The following UBR1 variants were observed in gnomAD, a reference collection of about 807,000 sequenced individuals.
The protein encoded by UBR1 is ubiquitin protein ligase E3 component n-recognin 1.
A neutral mutation model predicts 242.1 loss-of-function variants in UBR1; 102 were observed. That is an observed-to-expected ratio of 0.42 (90% CI 0.36 to 0.50). The LOEUF (loss-of-function observed/expected upper bound fraction) is 0.50. Among genes scored for constraint, UBR1 ranks in the 20% least tolerant of loss-of-function variants. The pLI, the probability that UBR1 is intolerant of heterozygous loss-of-function variation, is 0.01. For missense variants in UBR1, 1,772 were observed against 2,101.8 expected, an observed-to-expected ratio of 0.84 and a Z score of 3.07; for synonymous variants, 675 against 684.8, an observed-to-expected ratio of 0.99 and a Z score of 0.22.
chr15:43,067,829 C>A, intron 6 of UBR1, 69 bp downstream of exon 6: 1 of 1,596,416 alleles, frequency 6.3e-7, no homozygotes, highest in Non-Finnish European at 8.6e-7. Flanking sequence ...TGAGCAAGGG[C>A]TCAGTCAACA....
intron 20 of UBR1, among the ~76,000 whole-genome samples, chr15:43,030,341 TACATAC>T (rs1165150039): frequency 6.6e-6 from 1 of 152,198 alleles, no homozygotes. Context: ...CATATTCGTA[TACATAC>T]ACATACACAT....
chr15:43,077,457 CG>C (rs2033920565), intron 3 of UBR1, among the ~76,000 whole-genome samples: 1 of 151,450 alleles, frequency 6.6e-6, no homozygotes, highest in Admixed American at 6.6e-5. Flanking sequence ...GCAGCATGCT[CG>C]TTAAGAGTCA....
intron 40 of UBR1, among the ~76,000 whole-genome samples, chr15:42,967,853 G>C (rs987898650): frequency 3.3e-5 from 5 of 151,544 alleles, no homozygotes; most frequent in African/African-American, 1.2e-4. Context: ...AGCAGATGTA[G>C]TTCAGCAGAG....
In UBR1 at chr15:42,960,656, G is replaced by GT. The variant is rs1873545198; in HGVS notation, c.4745dup (p.Asn1582LysfsTer8). ...GTAGTAAAACCAACCTGACCACGGT[G>GT]TTTTTTTGCTTCAAACAGTTTAGTA... On this transcript the variant is annotated frameshift_variant, in exon 43 of 47. Transcript: ENST00000290650. LOFTEE classifies it high-confidence loss of function. 3 of 1,613,972 alleles carry GT rather than the reference G, an allele frequency of 1.9e-6. No homozygotes were observed. Among genetic ancestry groups the GT allele is most frequent in the South Asian group, 1.1e-5 (1 of 91,076 alleles).
intron 43 of UBR1, among the ~76,000 whole-genome samples, chr15:42,958,953 C>G (rs2031969235): frequency 6.6e-6 from 1 of 152,140 alleles, no homozygotes; most frequent in Admixed American, 6.5e-5. Flanking sequence ...GCCTCAGGCT[C>G]CTGAGTAGCT....
chr15:43,037,690 A>G, intron 17 of UBR1, 83 bp downstream of exon 17: 1 of 1,185,708 alleles, frequency 8.4e-7, no homozygotes, highest in Non-Finnish European at 1.2e-6. Flanking sequence ...AGTAAAATCT[A>G]GGAACACAGG....
rs1407113331 is a variant in UBR1 at position 42,984,007 on chromosome 15, G to A, written c.4054-14C>T. 1.9e-6 allele frequency: 3 copies of A among 1,603,934 alleles called. No homozygotes were observed. Among genetic ancestry groups the A allele is most frequent in the East Asian group, 2.2e-5 (1 of 44,704 alleles). On this transcript the variant is annotated splice_polypyrimidine_tract_variant and intron_variant, in intron 36 of 46. Coordinates refer to ENST00000290650, the MANE Select transcript of UBR1 (RefSeq NM_174916.3). Reference sequence around the variant, plus strand: ...CAGACCATTATGCTAGATTGTAAGAGAGAAGGAAGATAAAAAGATGAGGGA... The same window carrying A: ...CAGACCATTATGCTAGATTGTAAGAAAGAAGGAAGATAAAAAGATGAGGGA...
intron 11 of UBR1, among the ~76,000 whole-genome samples, chr15:43,055,662 C>T (rs1308779298): frequency 6.6e-6 from 1 of 152,122 alleles, no homozygotes; most frequent in African/African-American, 2.4e-5. Context: ...CACTTGTAAT[C>T]CCAGCACTTT....
chr15:42,956,380 C>A (rs1480611837), intron 44 of UBR1, among the ~76,000 whole-genome samples: 2 of 152,158 alleles, frequency 1.3e-5, no homozygotes, highest in African/African-American at 4.8e-5. Flanking sequence ...AGTGCAGTGG[C>A]ACGATCTCGG....
At position 43,076,147 on chromosome 15, in the gene UBR1, G is replaced by GTT. The variant is rs34147534; in HGVS notation, c.418-1060_418-1059dup. Among the ~76,000 whole-genome samples, 928 of 130,104 alleles carry GTT rather than the reference G, an allele frequency of 7.1e-3. 3 individuals carry two copies. Among genetic ancestry groups the GTT allele is most frequent in the Middle Eastern group, 0.017 (4 of 240 alleles). 85.4% of individuals were successfully genotyped at this position (130,104 alleles called of 152,430 possible). A position where few individuals can be genotyped will look rare whatever the true frequency, so the allele number is the denominator to read the frequency against. On this transcript the variant is annotated intron_variant, in intron 3 of 46. Coordinates refer to ENST00000290650, the MANE Select transcript of UBR1 (RefSeq NM_174916.3). ...GCGCCGCCACGCCTGACTGGTTTTC[G>GTT]TTTTTTTTTTTTTTGGTGGAGACGG...
At chr15:42,953,570 C>A (rs536423386) in intron 44 of UBR1, among the ~76,000 whole-genome samples, 1 of 152,178 alleles carries the variant, frequency 6.6e-6, no homozygotes, top group East Asian at 1.9e-4. Flanking sequence ...TAATTATAGC[C>A]CTTTTTGGAT....
Position 43,006,000 on chromosome 15 carries a change from A to T in UBR1, c.3415+1079T>A, listed in dbSNP as rs1338180350. Among the ~76,000 whole-genome samples, 3 of 143,124 alleles carry T rather than the reference A, an allele frequency of 2.1e-5. No homozygotes were observed. The South Asian group carries it at 6.9e-4, about 33-fold the overall frequency. The allele number at this position is 143,124 out of a possible 152,430, so 93.9% of individuals were successfully genotyped here. On this transcript the variant is annotated intron_variant, in intron 30 of 46. Transcript: ENST00000290650. ...AGGAAAACCAGAGACCCTTGTTCAC[A>T]TGTTTATCTGCTGACCTTCCCTCCA...
chr15:43,075,819 T>G (rs569673098), intron 3 of UBR1, among the ~76,000 whole-genome samples: 5 of 152,134 alleles, frequency 3.3e-5, no homozygotes. Flanking sequence ...TTCTCTACGT[T>G]GGTCAGGCTG....
rs765166092 is a variant in UBR1 at position 43,082,646 on chromosome 15, G to A, written c.409C>T (p.Arg137Cys). Residue 137 changes from arginine to cysteine, a missense_variant, in exon 3 of 47, where the codon CGT (arginine) becomes TGT (cysteine). Physicochemically the swap from Arg to Cys is radical, Grantham distance 180. Transcript: ENST00000290650. Reference sequence around the variant, plus strand: ...TGGTTATATTTTCTTACCTTGTAACGATGATTTTTATGAACACTGTCCTGG... The same window carrying A: ...TGGTTATATTTTCTTACCTTGTAACAATGATTTTTATGAACACTGTCCTGG... ...CFQDSVHKNH[R>C]YKMHTSTGGG... 3 of 1,613,378 alleles carry A rather than the reference G, an allele frequency of 1.9e-6. No individual in the cohort carries two copies. Among genetic ancestry groups the A allele is most frequent in the South Asian group, 1.1e-5 (1 of 91,064 alleles).
intron 14 of UBR1, among the ~76,000 whole-genome samples, chr15:43,045,033 T>C (rs1009922941): frequency 7.7e-4 from 117 of 152,310 alleles, no homozygotes; most frequent in African/African-American, 2.6e-3. Flanking sequence ...GTTGAACATA[T>C]AGAAAACAGT....
intron 12 of UBR1, among the ~76,000 whole-genome samples, chr15:43,050,129 T>G (rs1158646905): frequency 6.6e-6 from 1 of 152,022 alleles, no homozygotes; most frequent in Non-Finnish European, 1.5e-5. Context: ...TTTTATTTTT[T>G]GTAGAGACAA....
At chr15:43,022,435 CAA>C (rs76731124) in intron 26 of UBR1, among the ~76,000 whole-genome samples, 30 of 103,484 alleles carry the variant, frequency 2.9e-4, no homozygotes, top group Admixed American at 3.8e-4. Context: ...TATATGCAAC[CAA>C]AAAAAAAAAA....
intron 43 of UBR1, 47 bp from the exon 44 acceptor site, chr15:42,958,137 C>T: frequency 6.3e-6 from 9 of 1,434,622 alleles, no homozygotes; most frequent in Non-Finnish European, 8.8e-6. Context: ...TAAATAACCC[C>T]AGATCAAAAA....
intron 14 of UBR1, among the ~76,000 whole-genome samples, chr15:43,044,249 C>T (rs769302020): frequency 1.1e-4 from 17 of 152,126 alleles, no homozygotes; most frequent in Non-Finnish European, 1.9e-4. Flanking sequence ...CACACTGCTT[C>T]AGGAAGAATT....
Sources: allele counts gnomAD v4.1 joint callset (sites outside exome capture counted in the v4.1 genomes callset), GRCh38; gene constraint gnomAD v4.1.1; transcripts MANE v1.5; gene names NCBI Gene and HGNC (gene_info 2026-07-23, HGNC 2026-07-21).